EPB42: variants seen among roughly 807,000 people sequenced by gnomAD.
The protein encoded by EPB42 is protein 4.2.
A neutral mutation model predicts 76.9 loss-of-function variants in EPB42; 49 were observed. That is an observed-to-expected ratio of 0.64 (90% CI 0.51 to 0.81). EPB42 has a LOEUF of 0.81. Among genes scored for constraint, EPB42 ranks in the 30% least tolerant of loss-of-function variants. The pLI is 0.00. For synonymous variants in EPB42, 310 were observed against 338.4 expected, an observed-to-expected ratio of 0.92 and a Z score of 0.92; for missense variants, 731 against 867.6, an observed-to-expected ratio of 0.84 and a Z score of 1.98.
chr15:43,197,317 AG>A lies in EPB42; in HGVS notation c.2060del (p.Pro687LeufsTer?). ...TNYKSVTVVA[P>X]ELSA ...AGCTGGAAGTTTAAGCTGATAGTTC[AG>A]GGGCTACCACGGTGACGCTTTTATA... On this transcript the variant is annotated frameshift_variant, in exon 13 of 13. Coordinates refer to ENST00000441366, the MANE Select transcript of EPB42 (RefSeq NM_001114134.2). LOFTEE classifies it high-confidence loss of function. The A allele has an allele frequency of 6.2e-7, 1 of 1,614,232 alleles. No homozygotes were observed. Among genetic ancestry groups the A allele is most frequent in the Non-Finnish European group, 8.5e-7 (1 of 1,180,038 alleles).
intron 1 of EPB42, among the ~76,000 whole-genome samples, chr15:43,220,085 C>A (rs2042435043): frequency 6.6e-6 from 1 of 152,120 alleles, no homozygotes; most frequent in Non-Finnish European, 1.5e-5. Flanking sequence ...CCTCCGCACA[C>A]CAGACCAACC....
intron 3 of EPB42, among the ~76,000 whole-genome samples, chr15:43,212,369 C>CAAAAAAAAAAA (rs35031544): frequency 1.2e-5 from 1 of 86,904 alleles, no homozygotes; most frequent in African/African-American, 4.5e-5. Flanking sequence ...AACTCCGTCT[C>CAAAAAAAAAAA]AAAAAAAAAA....
chr15:43,211,613 C>T (rs2042297990), intron 3 of EPB42, 79 bp from the exon 4 acceptor site: 1 of 990,464 alleles, frequency 1.0e-6, no homozygotes, highest in Non-Finnish European at 1.6e-6. Context: ...GTCCTCCCTG[C>T]CGAGATTAGG....
intron 1 of EPB42, 45 bp from the exon 2 acceptor site, chr15:43,216,498 C>G: frequency 1.3e-6 from 2 of 1,595,550 alleles, no homozygotes; most frequent in Non-Finnish European, 1.7e-6. Flanking sequence ...GTACATGTGA[C>G]AATGTAAGTA....
In EPB42 at chr15:43,206,184, A is replaced by C; in HGVS notation, c.1618+146T>G. On this transcript the variant is annotated intron_variant, in intron 10 of 12. Coordinates refer to ENST00000441366, the MANE Select transcript of EPB42 (RefSeq NM_001114134.2). This position sits in a 1 kb window ranked among gnomAD's most constrained non-coding sequence, Gnocchi z 4.7. ...CAATAAATATGTGTTGAATGAATGA[A>C]TGAGAGAGAACATGAGAGTGAGCAG... 1 of 813,754 alleles carries C rather than the reference A, an allele frequency of 1.2e-6. No individual in the cohort carries two copies. The highest frequency in any genetic ancestry group is 1.9e-6 in the Non-Finnish European group (1 of 537,598). The allele number at this position is 813,754 out of a possible 1,614,324, so 50.4% of individuals were successfully genotyped here. A position where few individuals can be genotyped will look rare whatever the true frequency, so the allele number is the denominator to read the frequency against.
chr15:43,216,913 A>G (rs2042386776), intron 1 of EPB42, among the ~76,000 whole-genome samples: 1 of 152,142 alleles, frequency 6.6e-6, no homozygotes, highest in Admixed American at 6.6e-5. Flanking sequence ...CTCTTGTTTT[A>G]TAGATGAGAA....
chr15:43,221,858 C>T (rs1014389710), upstream of EPB42, among the ~76,000 whole-genome samples: 25 of 150,180 alleles, frequency 1.7e-4, no homozygotes, highest in African/African-American at 6.1e-4. Context: ...AAACTTCTGC[C>T]TTTCACTAGC....
intron 1 of EPB42, among the ~76,000 whole-genome samples, chr15:43,218,565 C>G (rs2042412325): frequency 2.6e-5 from 4 of 152,234 alleles, no homozygotes; most frequent in Admixed American, 2.6e-4. Flanking sequence ...TCACTGTGAG[C>G]TCCCCAAGAT....
intron 3 of EPB42, 150 bp from the exon 4 acceptor site, chr15:43,211,684 T>G: frequency 1.4e-6 from 1 of 701,470 alleles, no homozygotes; most frequent in Non-Finnish European, 2.6e-6. Context: ...GAAGTCCCTC[T>G]TTCACTGCCC....
At position 43,208,302 on chromosome 15, in the gene EPB42, T is replaced by A. The variant is rs776022147; in HGVS notation, c.1003A>T (p.Thr335Ser). 4.3e-6 allele frequency: 7 copies of A among 1,613,966 alleles called. No homozygotes were observed. The highest frequency in any genetic ancestry group is 5.1e-6 in the Non-Finnish European group (6 of 1,179,980). The change falls in exon 8 of 13, where the codon ACG becomes TCG. Residue 335 changes from threonine to serine, a missense_variant. Transcript: ENST00000441366. ...IFQTSTECWM[T>S]RPALPQGYDG... ...TAACCCTGGGGCAAGGCAGGCCGCG[T>A]CATCCAGCACTCTGTGGAAGTCTGG...
chr15:43,224,309 C>A (rs1375367123), upstream of EPB42, among the ~76,000 whole-genome samples: 1 of 152,146 alleles, frequency 6.6e-6, no homozygotes, highest in African/African-American at 2.4e-5. Context: ...CTTATAGGTC[C>A]CATCTCCAAA....
At chr15:43,212,394 GA>G (rs371744098) in intron 3 of EPB42, among the ~76,000 whole-genome samples, 11 of 140,416 alleles carry the variant, frequency 7.8e-5, no homozygotes, top group Middle Eastern at 3.7e-3. Context: ...AAAGAAAAAA[GA>G]AAAAAAAAAG....
chr15:43,205,771 T>C (rs755161800), intron 10 of EPB42, among the ~76,000 whole-genome samples: 1 of 152,166 alleles, frequency 6.6e-6, no homozygotes, highest in Non-Finnish European at 1.5e-5. Context: ...GTGATTCTAA[T>C]GTGCAGCAAA....
upstream of EPB42, among the ~76,000 whole-genome samples, chr15:43,222,254 T>G (rs1363985347): frequency 6.6e-6 from 1 of 152,192 alleles, no homozygotes; most frequent in Non-Finnish European, 1.5e-5. Context: ...AAAGGTAATT[T>G]AGTGAGCTGG....
At chr15:43,199,022 G>A (rs1049724893) in intron 12 of EPB42, among the ~76,000 whole-genome samples, 2 of 152,204 alleles carry the variant, frequency 1.3e-5, no homozygotes, top group African/African-American at 4.8e-5. Context: ...AAATTCTGGG[G>A]GCCCAGGCAA....
At chr15:43,210,292 T>C (rs181433780) in intron 5 of EPB42, 43 bp downstream of exon 5, 3 of 1,579,290 alleles carry the variant, frequency 1.9e-6, no homozygotes, top group African/African-American at 1.3e-5. Context: ...GAGGGCTTTT[T>C]TCTCACCCCT....
chr15:43,197,335 GC>G lies in EPB42; in HGVS notation c.2042del (p.Ser681ThrfsTer5), dbSNP rs1567268305. The G allele has an allele frequency of 6.2e-7, 1 of 1,614,152 alleles. No homozygotes were observed. Among genetic ancestry groups the G allele is most frequent in the Non-Finnish European group, 8.5e-7 (1 of 1,180,026 alleles). ...NMFQNLTNYK[S>X]VTVVAPELSA ...ATAGTTCAGGGGCTACCACGGTGAC[GC>G]TTTTATAGTTGGTTAGGTTCTGGAA... On this transcript the variant is annotated frameshift_variant, in exon 13 of 13. Coordinates refer to ENST00000441366, the MANE Select transcript of EPB42 (RefSeq NM_001114134.2). LOFTEE classifies it high-confidence loss of function.
chr15:43,197,516 G>C lies in EPB42; in HGVS notation c.1914-52C>G. On this transcript the variant is annotated intron_variant, in intron 12 of 12. Transcript: ENST00000441366. ...AGTTCTGTCCCAGGTTCATTGCTCT[G>C]CTGGTCCCAGTGACTTTGATCCTTC... is the stretch of plus-strand genomic sequence containing the variant. 3.1e-6 allele frequency: 5 copies of C among 1,606,010 alleles called. No individual in the cohort carries two copies. The East Asian group carries it at 1.1e-4, about 36-fold the overall frequency.
chr15:43,203,361 C>T, intron 10 of EPB42, 86 bp from the exon 11 acceptor site: 1 of 1,547,974 alleles, frequency 6.5e-7, no homozygotes, highest in Non-Finnish European at 8.9e-7. Context: ...ACAAAGGACT[C>T]AGGGCCTCAC....
Sources: gnomAD v4.1 joint callset for allele counts (sites outside exome capture counted in the v4.1 genomes callset) on GRCh38, gnomAD v4.1.1 for gene constraint, Gnocchi (gnomAD v3.1) non-coding constraint, MANE v1.5 for transcripts, NCBI Gene and HGNC (gene_info 2026-07-23, HGNC 2026-07-21) for gene names.